The following PARD3 variants were observed in gnomAD, a reference collection of about 807,000 sequenced individuals.
PARD3 encodes partitioning defective 3 homolog.
PARD3 carries 75 observed loss-of-function variants against 155.4 expected under a neutral mutation model. The ratio of observed to expected loss-of-function variants is 0.48; its 90% CI spans 0.40 to 0.58. The LOEUF is 0.58. Ranked by LOEUF, PARD3 falls within the 20% of genes least tolerant of loss-of-function variation. PARD3 has a pLI of 0.00. For missense variants in PARD3, 1,642 were observed against 1,721.7 expected (o/e 0.95, Z 0.82); for synonymous variants, 576 against 610.5 (o/e 0.94, Z 0.83).
intron 5 of PARD3, among the ~76,000 whole-genome samples, chr10:34,439,981 T>C (rs1430287242): frequency 6.6e-6 from 1 of 151,954 alleles, no homozygotes; most frequent in African/African-American, 2.4e-5. Flanking sequence ...ACAAAAATAC[T>C]ATAGGGCACA....
chr10:34,376,320 T>C (rs776116106), intron 10 of PARD3, among the ~76,000 whole-genome samples: 3 of 152,294 alleles, frequency 2.0e-5, no homozygotes, highest in Middle Eastern at 3.4e-3. Flanking sequence ...TTTTCTGATA[T>C]GTTGAAAGTA....
intron 24 of PARD3, among the ~76,000 whole-genome samples, chr10:34,113,496 AACAC>A (rs58408464): frequency 0.043 from 6,405 of 148,026 alleles, 275 homozygotes; most frequent in African/African-American, 0.11. Flanking sequence ...ATAAGACAGA[AACAC>A]ACACACACAC....
intron 11 of PARD3, among the ~76,000 whole-genome samples, chr10:34,373,346 A>T (rs1197353217): frequency 6.6e-6 from 1 of 152,088 alleles, no homozygotes; most frequent in African/African-American, 2.4e-5. Flanking sequence ...GAAGCCTGGA[A>T]GATCAAAATT....
chr10:34,155,412 T>G (rs1240584991), intron 22 of PARD3, among the ~76,000 whole-genome samples: 1 of 152,174 alleles, frequency 6.6e-6, no homozygotes, highest in African/African-American at 2.4e-5. Context: ...AAATGAAAGA[T>G]AACATTTTAG....
chr10:34,309,547 C>CAAAAA lies in PARD3; in HGVS notation c.3065+7559_3065+7560insTTTTT, dbSNP rs1323865538. ...ACTCCTGCTGAGCAAGACCCTGTCT[C>CAAAAA]CAAAAAAAAAAAAAAAAAAAAAAAA... On this transcript the variant is annotated intron_variant, in intron 20 of 24. Coordinates refer to ENST00000374788, the MANE Select transcript of PARD3 (RefSeq NM_001184785.2). Among the ~76,000 whole-genome samples, 35 of 46,644 alleles carry CAAAAA rather than the reference C, an allele frequency of 7.5e-4. 2 individuals carry two copies. In the East Asian group the frequency reaches 9.0e-3, roughly 12 times the overall value. The allele number at this position is 46,644 out of a possible 152,430, so 30.6% of individuals were successfully genotyped here. A position where few individuals can be genotyped will look rare whatever the true frequency, so the allele number is the denominator to read the frequency against.
intron 14 of PARD3, 120 bp downstream of exon 14, chr10:34,359,027 A>C (rs1195439664): frequency 3.0e-6 from 2 of 672,370 alleles, no homozygotes; most frequent in Admixed American, 2.7e-5. Flanking sequence ...TACAATAAGC[A>C]AAGATAATTT....
intron 22 of PARD3, among the ~76,000 whole-genome samples, chr10:34,156,338 C>G (rs1372461758): frequency 6.6e-6 from 1 of 152,074 alleles, no homozygotes; most frequent in Admixed American, 6.5e-5. Context: ...CTCCAGTGAT[C>G]CTGCTTCCTT....
intron 5 of PARD3, among the ~76,000 whole-genome samples, chr10:34,409,159 TCC>T (rs2132280613): frequency 6.6e-6 from 1 of 152,234 alleles, no homozygotes; most frequent in South Asian, 2.1e-4. Flanking sequence ...ATGAAATGCC[TCC>T]CGTCTTGATA....
intron 2 of PARD3, among the ~76,000 whole-genome samples, chr10:34,640,373 T>C (rs1231901705): frequency 1.3e-5 from 2 of 152,140 alleles, no homozygotes; most frequent in African/African-American, 4.8e-5. Context: ...TACCAGTACT[T>C]TGGGAGGCCA....
At chr10:34,765,045 A>G (rs531270082) in intron 1 of PARD3, among the ~76,000 whole-genome samples, 1 of 152,328 alleles carries the variant, frequency 6.6e-6, no homozygotes, top group Non-Finnish European at 1.5e-5. Flanking sequence ...ATTAGACTTT[A>G]GCATCCTCCC....
At position 34,530,927 on chromosome 10, in the gene PARD3, G is replaced by T. The variant is rs541076021; in HGVS notation, c.223-13768C>A. Among the ~76,000 whole-genome samples the T allele has an allele frequency of 1.3e-4, 20 of 152,306 alleles. No homozygotes were observed. The East Asian group carries it at 3.1e-3, about 24-fold the overall frequency. On this transcript the variant is annotated intron_variant, in intron 2 of 24. Transcript: ENST00000374788. ...CCAGGGGCGTTGGTCAATATCAAAA[G>T]AACTTTAAAAGGCGACAGTCCCTTA...
At chr10:34,538,370 G>C (rs1021357122) in intron 2 of PARD3, among the ~76,000 whole-genome samples, 1 of 152,204 alleles carries the variant, frequency 6.6e-6, no homozygotes, top group African/African-American at 2.4e-5. Flanking sequence ...AAATTTACCA[G>C]CTGAAATCCT....
chr10:34,190,700 C>A (rs1950666546), intron 22 of PARD3, among the ~76,000 whole-genome samples: 1 of 152,078 alleles, frequency 6.6e-6, no homozygotes, highest in Admixed American at 6.5e-5. Flanking sequence ...CAGTGTACTG[C>A]ATGATAAATG....
chr10:34,700,303 G>C (rs1328000373), intron 1 of PARD3, among the ~76,000 whole-genome samples: 1 of 152,190 alleles, frequency 6.6e-6, no homozygotes, highest in Non-Finnish European at 1.5e-5. Context: ...CTAAGACTAA[G>C]AATGGAAGCA....
chr10:34,465,594 G>A (rs1472801224), intron 4 of PARD3, among the ~76,000 whole-genome samples: 1 of 152,066 alleles, frequency 6.6e-6, no homozygotes, highest in East Asian at 1.9e-4. Context: ...AGAAAAGGAA[G>A]CTAATGATGC....
intron 9 of PARD3, among the ~76,000 whole-genome samples, chr10:34,381,930 A>G (rs1314374954): frequency 2.7e-5 from 4 of 148,450 alleles, no homozygotes; most frequent in Non-Finnish European, 4.5e-5. Context: ...AAAAAAAAAA[A>G]AAAAAAAAAA....
intron 2 of PARD3, among the ~76,000 whole-genome samples, chr10:34,555,200 A>C (rs1330485037): frequency 6.6e-6 from 1 of 152,218 alleles, no homozygotes; most frequent in Non-Finnish European, 1.5e-5. Context: ...TGAGGAGGCT[A>C]TGCAAGTTTG....
intron 1 of PARD3, among the ~76,000 whole-genome samples, chr10:34,761,800 C>T (rs1010984640): frequency 2.0e-5 from 3 of 151,954 alleles, no homozygotes; most frequent in Admixed American, 2.0e-4. Context: ...CTTAAGAAAA[C>T]GATGAGTCCT....
Position 34,707,604 on chromosome 10 carries a change from G to A in PARD3, c.121-11185C>T, listed in dbSNP as rs934763757. ...ACCTTGTGCCTCTTCTATACACTAC[G>A]TTTTAGCCCAACAACTCGTGGGTTT... On this transcript the variant is annotated intron_variant, in intron 1 of 24. Transcript: ENST00000374788. 4.6e-5 allele frequency among the ~76,000 whole-genome samples: 7 copies of A among 152,134 alleles called. No individual in the cohort carries two copies. In the South Asian group the frequency reaches 8.3e-4, roughly 18 times the overall value.
Sources: gnomAD v4.1 joint callset for allele counts (sites outside exome capture counted in the v4.1 genomes callset) on GRCh38, gnomAD v4.1.1 for gene constraint, MANE v1.5 for transcripts, NCBI Gene and HGNC (gene_info 2026-07-23, HGNC 2026-07-21) for gene names.